The following RC3H1 variants were observed in gnomAD, a reference collection of about 807,000 sequenced individuals.
RC3H1 encodes ring finger and CCCH-type domains 1, also known as roquin-1.
A neutral mutation model predicts 138.2 loss-of-function variants in RC3H1; 50 were observed. The ratio of observed to expected loss-of-function variants is 0.36; its 90% CI spans 0.29 to 0.46. The LOEUF (loss-of-function observed/expected upper bound fraction) is 0.46. Among genes scored for constraint, RC3H1 ranks in the 20% least tolerant of loss-of-function variants. The probability of loss-of-function intolerance (pLI) is 1.00; values close to 1 mark genes in which losing one functional copy is unlikely to be tolerated. For missense variants in RC3H1, 1,031 were observed against 1,388.1 expected (o/e 0.74, Z 4.09); for synonymous variants, 462 against 489.1 (o/e 0.94, Z 0.73).
intron 1 of RC3H1, among the ~76,000 whole-genome samples, chr1:174,008,122 GACT>G (rs1661685631): frequency 6.6e-6 from 1 of 151,974 alleles, no homozygotes; most frequent in Non-Finnish European, 1.5e-5. Context: ...ATCATGTTCT[GACT>G]AATTCTAGAA....
intron 13 of RC3H1, among the ~76,000 whole-genome samples, chr1:173,954,570 T>G (rs972933690): frequency 6.6e-6 from 1 of 152,252 alleles, no homozygotes; most frequent in Non-Finnish European, 1.5e-5. Flanking sequence ...AAGAGAGGAT[T>G]GTTTTTCCTG....
intron 9 of RC3H1, among the ~76,000 whole-genome samples, chr1:173,969,146 G>A (rs908898848): frequency 1.1e-4 from 16 of 151,628 alleles, no homozygotes; most frequent in Non-Finnish European, 2.1e-4. Context: ...GCGCCTGGCT[G>A]GAATTTGATT....
At chr1:174,019,408 T>G (rs1398257619) in intron 1 of RC3H1, among the ~76,000 whole-genome samples, 3 of 152,228 alleles carry the variant, frequency 2.0e-5, no homozygotes, top group African/African-American at 7.2e-5. Context: ...GATCTGAGTC[T>G]GAGTAAGCTC....
intron 7 of RC3H1, among the ~76,000 whole-genome samples, chr1:173,973,948 C>T (rs1049789003): frequency 3.9e-5 from 6 of 152,030 alleles, no homozygotes; most frequent in Non-Finnish European, 5.9e-5. Flanking sequence ...CAGATAATAA[C>T]CAAGACAAAT....
intron 2 of RC3H1, among the ~76,000 whole-genome samples, chr1:173,990,425 C>T (rs1237145267): frequency 6.6e-6 from 1 of 151,720 alleles, no homozygotes; most frequent in Non-Finnish European, 1.5e-5. Flanking sequence ...TTTTTTTATG[C>T]TCTTGTAGAT....
At chr1:174,014,648 T>G (rs1426604022) in intron 1 of RC3H1, among the ~76,000 whole-genome samples, 1 of 152,210 alleles carries the variant, frequency 6.6e-6, no homozygotes, top group Non-Finnish European at 1.5e-5. Context: ...AAACAGAATT[T>G]AAGGAGGAAA....
chr1:173,982,417 A>G (rs1328123170), intron 5 of RC3H1, among the ~76,000 whole-genome samples: 22 of 152,142 alleles, frequency 1.4e-4, no homozygotes, highest in Non-Finnish European at 4.4e-5. Flanking sequence ...TTGTGCTTCA[A>G]TAACTCTCTC....
rs376701019 is a variant in RC3H1 at position 173,968,539 on chromosome 1, G to A, written c.1334+1966C>T. On this transcript the variant is annotated intron_variant, in intron 9 of 19. Transcript: ENST00000367696. ...GTTTACACGAGGGCAATTCATGTTT[G>A]TGATTTTTAAAATTTGCCATCTTAC... is the stretch of plus-strand genomic sequence containing the variant. Among the ~76,000 whole-genome samples, 14 of 152,160 alleles carry A rather than the reference G, an allele frequency of 9.2e-5. No homozygotes were observed. In the East Asian group the frequency reaches 9.7e-4, roughly 10 times the overall value.
At chr1:173,974,265 G>C (rs1048263134) in intron 7 of RC3H1, among the ~76,000 whole-genome samples, 3 of 126,586 alleles carry the variant, frequency 2.4e-5, no homozygotes, top group Non-Finnish European at 4.8e-5. Flanking sequence ...GGTCAATAGA[G>C]GGAGACTGTC....
intron 6 of RC3H1, among the ~76,000 whole-genome samples, chr1:173,979,163 A>AT (rs1660702966): frequency 6.6e-6 from 1 of 152,254 alleles, no homozygotes; most frequent in South Asian, 2.1e-4. Context: ...CATTTTCATG[A>AT]TTACAGAAAG....
At chr1:173,974,277 CAAAAAAAAAAAA>C (rs571801899) in intron 7 of RC3H1, among the ~76,000 whole-genome samples, 3 of 47,202 alleles carry the variant, frequency 6.4e-5, no homozygotes, top group Admixed American at 3.1e-4. Flanking sequence ...GAGACTGTCT[CAAAAAAAAAAAA>C]AAAAAAAAAA....
chr1:173,981,400 G>A (rs1285078731), intron 5 of RC3H1, among the ~76,000 whole-genome samples: 1 of 152,066 alleles, frequency 6.6e-6, no homozygotes, highest in African/African-American at 2.4e-5. Context: ...GCATCATGTT[G>A]GTGTTCAAAA....
At chr1:173,982,284 C>G (rs913140129) in intron 5 of RC3H1, among the ~76,000 whole-genome samples, 3 of 152,030 alleles carry the variant, frequency 2.0e-5, no homozygotes, top group African/African-American at 7.2e-5. Context: ...GAGGCTGAGA[C>G]AGGAGAATCG....
intron 14 of RC3H1, among the ~76,000 whole-genome samples, 199 bp downstream of exon 14, chr1:173,951,787 G>A (rs1022732165): frequency 4.0e-5 from 6 of 151,600 alleles, no homozygotes; most frequent in Non-Finnish European, 5.9e-5. Flanking sequence ...GCTCTGTCTC[G>A]GTAAGTATTA....
At chr1:173,962,661 T>C (rs1659934086) in intron 11 of RC3H1, among the ~76,000 whole-genome samples, 1 of 152,212 alleles carries the variant, frequency 6.6e-6, no homozygotes, top group Non-Finnish European at 1.5e-5. Context: ...TTCTTCATTG[T>C]AACAAGTTCT....
Position 174,022,326 on chromosome 1 carries a change from C to T in RC3H1, c.-381G>A. ...TGTTGCTCGGCCTCCTCTTCCTCCT[C>T]CTCGTCCTCCGCCGCCCAGTCGCTC... On this transcript the variant is annotated 5_prime_UTR_variant, in exon 1 of 20. Transcript: ENST00000367696. The surrounding 1 kb of genome is among the most constrained non-coding windows in gnomAD (Gnocchi z 4.2). The T allele has an allele frequency of 2.6e-6, 1 of 380,894 alleles. No homozygotes were observed. Among genetic ancestry groups the T allele is most frequent in the Non-Finnish European group, 4.7e-6 (1 of 214,944 alleles). 23.6% of individuals were successfully genotyped at this position (380,894 alleles called of 1,614,324 possible). A position where few individuals can be genotyped will look rare whatever the true frequency, so the allele number is the denominator to read the frequency against.
chr1:173,947,625 G>A lies in RC3H1; in HGVS notation c.2524-43C>T, dbSNP rs370922491. 1.3e-3 allele frequency: 1,926 copies of A among 1,479,698 alleles called. 28 individuals are homozygous for A. In the South Asian group the frequency reaches 0.014, roughly 11 times the overall value. The allele number at this position is 1,479,698 out of a possible 1,614,324, so 91.7% of individuals were successfully genotyped here. A position where few individuals can be genotyped will look rare whatever the true frequency, so the allele number is the denominator to read the frequency against. On this transcript the variant is annotated intron_variant, in intron 14 of 19. Coordinates refer to ENST00000367696, the MANE Select transcript of RC3H1 (RefSeq NM_172071.4). ...TGAGAAATTACCCCACACTCAGATCGCTCTGTAACCTAATTTTTTCTAGAT... is the reference window on the plus strand; with the variant it reads ...TGAGAAATTACCCCACACTCAGATCACTCTGTAACCTAATTTTTTCTAGAT...
Position 173,933,365 on chromosome 1 carries a change from T to C in RC3H1, c.*5356A>G, listed in dbSNP as rs1024068730. 2 of 152,082 alleles carry C rather than the reference T, an allele frequency of 1.3e-5. No individual in the cohort carries two copies. The highest frequency in any genetic ancestry group is 1.3e-4 in the Admixed American group (2 of 15,262). The allele number at this position is 152,082 out of a possible 1,614,324, so 9.4% of individuals were successfully genotyped here. On this transcript the variant is annotated 3_prime_UTR_variant, in exon 20 of 20. Transcript: ENST00000367696. ...AGTGCAGTATTGAAAACATACCTAT[T>C]AGGAATAGATTTATTATTAAAAGGT... is the stretch of plus-strand genomic sequence containing the variant.
At chr1:173,979,903 C>T (rs1557940377) in intron 6 of RC3H1, among the ~76,000 whole-genome samples, 1 of 152,010 alleles carries the variant, frequency 6.6e-6, no homozygotes, top group Non-Finnish European at 1.5e-5. Context: ...TTTTTATCCC[C>T]CCTAAAGAGA....
Sources: gnomAD v4.1 joint callset for allele counts (sites outside exome capture counted in the v4.1 genomes callset) on GRCh38, gnomAD v4.1.1 for gene constraint, Gnocchi (gnomAD v3.1) non-coding constraint, MANE v1.5 for transcripts, NCBI Gene and HGNC (gene_info 2026-07-23, HGNC 2026-07-21) for gene names.